NCOA1: variants seen among roughly 807,000 people sequenced by gnomAD.
NCOA1 encodes the protein nuclear receptor coactivator 1.
NCOA1 carries 35 observed loss-of-function variants against 150.9 expected under a neutral mutation model. That is an observed-to-expected ratio of 0.23 (90% CI 0.18 to 0.31). The LOEUF (loss-of-function observed/expected upper bound fraction) is 0.31, where lower values mean the gene tolerates loss of function less well. Among genes scored for constraint, NCOA1 ranks in the 10% least tolerant of loss-of-function variants. The pLI is 1.00. For synonymous variants in NCOA1, 590 were observed against 630.0 expected (o/e 0.94, Z 0.95); for missense variants, 1,491 against 1,749.3 (o/e 0.85, Z 2.63).
intron 1 of NCOA1, chr2:24,556,012 C>T (rs1163422276): frequency 6.6e-6 from 1 of 151,894 alleles, no homozygotes; most frequent in Non-Finnish European, 1.5e-5. Flanking sequence ...ATTTTATTTT[C>T]AGTTCCAGGA....
intron 13 of NCOA1, 41 bp downstream of exon 13, chr2:24,707,929 AT>A (rs3214693): frequency 2.1e-4 from 308 of 1,495,008 alleles, no homozygotes; most frequent in South Asian, 4.1e-4. Flanking sequence ...ATTCTTAGTA[AT>A]TTTTTTTTTC....
In NCOA1 at chr2:24,655,132, G is replaced by A. The variant is rs56007075; in HGVS notation, c.-17-3529G>A. Among the ~76,000 whole-genome samples the A allele has an allele frequency of 8.3e-3, 1,260 of 152,230 alleles. 22 individuals are homozygous for A. The highest frequency in any genetic ancestry group is 0.028 in the African/African-American group (1,181 of 41,522). ...TTATTCACTGCTCTATCTCTAGTGC[G>A]TAGAACAGAGGTTGGCATATGGTAA... On this transcript the variant is annotated intron_variant, in intron 4 of 22. Coordinates refer to ENST00000348332, the MANE Select transcript of NCOA1 (RefSeq NM_003743.5).
intron 1 of NCOA1, among the ~76,000 whole-genome samples, chr2:24,546,902 C>G (rs980549145): frequency 6.6e-6 from 1 of 152,210 alleles, no homozygotes; most frequent in African/African-American, 2.4e-5. Context: ...CTTCTGACTT[C>G]CAAGAAGAGG....
chr2:24,497,872 A>G (rs1663290574), intron 1 of NCOA1, among the ~76,000 whole-genome samples: 1 of 152,160 alleles, frequency 6.6e-6, no homozygotes, highest in Non-Finnish European at 1.5e-5. Flanking sequence ...TTTTTTTGGA[A>G]CAAATTGCTT....
intron 11 of NCOA1, among the ~76,000 whole-genome samples, chr2:24,704,193 GA>G (rs1673299421): frequency 6.6e-6 from 1 of 152,058 alleles, no homozygotes; most frequent in African/African-American, 2.4e-5. Flanking sequence ...ATAGTACACA[GA>G]TTTTACACAT....
At chr2:24,492,843 T>G (rs1426428457) in intron 1 of NCOA1, among the ~76,000 whole-genome samples, 1 of 152,102 alleles carries the variant, frequency 6.6e-6, no homozygotes, top group African/African-American at 2.4e-5. Context: ...AGAAATCAAG[T>G]GTCTGCTTAA....
intron 19 of NCOA1, among the ~76,000 whole-genome samples, chr2:24,746,845 T>C (rs1558335489): frequency 6.6e-6 from 1 of 152,154 alleles, no homozygotes; most frequent in Non-Finnish European, 1.5e-5. Flanking sequence ...TGAACCGTAA[T>C]GTAACCTATA....
chr2:24,762,891 G>C, intron 22 of NCOA1, 115 bp downstream of exon 22: 2 of 871,068 alleles, frequency 2.3e-6, no homozygotes, highest in Non-Finnish European at 3.7e-6. Flanking sequence ...TGTGAGTCCT[G>C]GCTCTGCTCT....
chr2:24,716,728 C>T (rs765579607), intron 14 of NCOA1, among the ~76,000 whole-genome samples: 1 of 152,068 alleles, frequency 6.6e-6, no homozygotes, highest in East Asian at 1.9e-4. Context: ...CTTTAAAGAC[C>T]ACCTCTTGAA....
At chr2:24,577,293 C>A (rs1032416779) in intron 2 of NCOA1, among the ~76,000 whole-genome samples, 3 of 152,116 alleles carry the variant, frequency 2.0e-5, no homozygotes, top group Non-Finnish European at 4.4e-5. Flanking sequence ...AGTGCATTTT[C>A]TCAATTCAAA....
At chr2:24,595,701 T>A (rs1251403095) in intron 3 of NCOA1, among the ~76,000 whole-genome samples, 1 of 151,920 alleles carries the variant, frequency 6.6e-6, no homozygotes, top group Non-Finnish European at 1.5e-5. Flanking sequence ...GGTGTCCTAA[T>A]TGTTTTTGGT....
intron 2 of NCOA1, among the ~76,000 whole-genome samples, chr2:24,576,978 AT>A (rs1667016399): frequency 6.6e-6 from 1 of 151,664 alleles, no homozygotes; most frequent in African/African-American, 2.4e-5. Flanking sequence ...ACCCATACTT[AT>A]TTGCTTTTTC....
At chr2:24,527,353 TTCTC>T (rs954320194) in intron 1 of NCOA1, among the ~76,000 whole-genome samples, 2 of 152,156 alleles carry the variant, frequency 1.3e-5, no homozygotes, top group Admixed American at 6.6e-5. Context: ...GACTGTTTTA[TTCTC>T]TCTCTCTGTA....
At chr2:24,711,433 C>A (rs1433566862) in intron 14 of NCOA1, 2 of 183,658 alleles carry the variant, frequency 1.1e-5, no homozygotes, top group Admixed American at 6.0e-5. Flanking sequence ...TTCCAGATAT[C>A]TTCCTTGAAA....
At chr2:24,741,089 T>C (rs1000476444) in intron 18 of NCOA1, among the ~76,000 whole-genome samples, 1 of 152,180 alleles carries the variant, frequency 6.6e-6, no homozygotes, top group Non-Finnish European at 1.5e-5. Context: ...TTATTTTCTT[T>C]TTAAGTGATA....
chr2:24,632,133 A>T (rs1029265116), intron 3 of NCOA1, among the ~76,000 whole-genome samples: 1 of 152,210 alleles, frequency 6.6e-6, no homozygotes, highest in African/African-American at 2.4e-5. Context: ...AGGATTTTTT[A>T]AAAGTCATAA....
chr2:24,564,296 T>G lies in NCOA1; in HGVS notation c.-394T>G, dbSNP rs1666405113. 1 of 152,186 alleles carries G rather than the reference T, an allele frequency of 6.6e-6. No homozygotes were observed. Among genetic ancestry groups the G allele is most frequent in the African/African-American group, 2.4e-5 (1 of 41,438 alleles). The allele number at this position is 152,186 out of a possible 1,614,324, so 9.4% of individuals were successfully genotyped here. A position where few individuals can be genotyped will look rare whatever the true frequency, so the allele number is the denominator to read the frequency against. On this transcript the variant is annotated splice_region_variant and 5_prime_UTR_variant, in exon 2 of 23. Transcript: ENST00000348332. ...TGTGTCTTCTCTCTCCTGCTTTAGA[T>G]CTATCCATACTAATGGAAATGTAAC... is the stretch of plus-strand genomic sequence containing the variant.
intron 7 of NCOA1, among the ~76,000 whole-genome samples, chr2:24,681,351 GA>G (rs199832931): frequency 6.6e-6 from 1 of 151,810 alleles, no homozygotes; most frequent in African/African-American, 2.4e-5. Flanking sequence ...AAAAGGAAAA[GA>G]AAAAAAGGGC....
chr2:24,621,325 T>G (rs1669144204), intron 3 of NCOA1, among the ~76,000 whole-genome samples: 1 of 152,082 alleles, frequency 6.6e-6, no homozygotes, highest in Non-Finnish European at 1.5e-5. Context: ...ATCTCTTGTT[T>G]TTTTGTTTTC....
Sources: gnomAD v4.1 joint callset for allele counts (sites outside exome capture counted in the v4.1 genomes callset) on GRCh38, gnomAD v4.1.1 for gene constraint, MANE v1.5 for transcripts, NCBI Gene and HGNC (gene_info 2026-07-23, HGNC 2026-07-21) for gene names.